Variants in SELENOO observed in about 807,000 individuals in gnomAD.
SELENOO encodes the protein protein adenylyltransferase SelO, mitochondrial.
Under a neutral mutation model 58.7 loss-of-function variants are expected in SELENOO, and 74 were observed. The observed-to-expected ratio is 1.26, with a 90% CI of 1.04 to 1.53. The LOEUF is 1.53. Ranked by LOEUF, SELENOO falls within the 40% of genes most tolerant of loss-of-function variation. SELENOO has a pLI of 0.00. For synonymous variants in SELENOO, 543 were observed against 453.2 expected, an observed-to-expected ratio of 1.20 and a Z score of -2.52; for missense variants, 1,149 against 970.0, an observed-to-expected ratio of 1.18 and a Z score of -2.45.
intron 3 of SELENOO, 25 bp from the exon 4 acceptor site, chr22:50,210,156 G>A (rs770427269): frequency 8.1e-6 from 13 of 1,608,662 alleles, no homozygotes; most frequent in Non-Finnish European, 9.3e-6. Flanking sequence ...CCCGAGGAGG[G>A]AGCAAGCACA....
chr22:50,209,906 A>G (rs1269835685), intron 3 of SELENOO, among the ~76,000 whole-genome samples: 1 of 152,176 alleles, frequency 6.6e-6, no homozygotes, highest in Non-Finnish European at 1.5e-5. Context: ...TGGGGTCTCT[A>G]CTGGGCCTGA....
Position 50,217,012 on chromosome 22 carries a change from G to T in SELENOO, c.1729G>T (p.Ala577Ser), listed in dbSNP as rs757738363. 6.2e-7 allele frequency: 1 copy of T among 1,611,502 alleles called. No individual in the cohort carries two copies. The highest frequency in any genetic ancestry group is 8.5e-7 in the Non-Finnish European group (1 of 1,179,708). ...GGACCTGGAAGGCGCTGGGGACGCT[G>T]CCGCCTGGCAGGCTGAGCACGTGCG... ...DKDLEGAGDA[A>S]AWQAEHVRVM... Residue 577 changes from alanine to serine, a missense_variant, in exon 8 of 9, where the codon GCC (alanine) becomes TCC (serine). By Grantham distance (99) the Ala-to-Ser change is moderately conservative (BLOSUM62 1). Coordinates refer to ENST00000380903, the MANE Select transcript of SELENOO (RefSeq NM_031454.2).
Position 50,216,767 on chromosome 22 carries a change from G to C in SELENOO, c.1579G>C (p.Ala527Pro). Residue 527 changes from alanine (A) to proline (P), a missense_variant, in exon 7 of 9, where the codon GCC (alanine) becomes CCC (proline). Physicochemically the swap from Ala to Pro is conservative, Grantham distance 27. Transcript: ENST00000380903. ...GCTTATGGGCACCCGGGCAGGCATC[G>C]CCAGGGAGCTGGAGCGTGTGGAGCA... ...FALMGTRAGI[A>P]RELERVEQQS... 6.2e-7 allele frequency: 1 copy of C among 1,608,418 alleles called. No homozygotes were observed. The highest frequency in any genetic ancestry group is 8.5e-7 in the Non-Finnish European group (1 of 1,179,656).
chr22:50,216,851 T>C lies in SELENOO; in HGVS notation c.1663T>C (p.Trp555Arg), dbSNP rs777777971. The C allele has an allele frequency of 3.1e-6, 5 of 1,608,118 alleles. No homozygotes were observed. Among genetic ancestry groups the C allele is most frequent in the East Asian group, 2.2e-5 (1 of 44,890 alleles). The change falls in exon 7 of 9, where the codon TGG becomes CGG. Residue 555 changes from tryptophan to arginine, a missense_variant. Physicochemically the swap from Trp to Arg is moderately radical, Grantham distance 101. Coordinates refer to ENST00000380903, the MANE Select transcript of SELENOO (RefSeq NM_031454.2). ...GCTGCAGAGCAGGAACCAGGGCCACTGGGCTGACTGGCTACAGGCGTACAG... is the reference window on the plus strand; with the variant it reads ...GCTGCAGAGCAGGAACCAGGGCCACCGGGCTGACTGGCTACAGGCGTACAG... ...AELQSRNQGH[W>R]ADWLQAYRAR...
At chr22:50,211,969 C>CT (rs1390987398) in intron 5 of SELENOO, among the ~76,000 whole-genome samples, 16 of 152,230 alleles carry the variant, frequency 1.1e-4, no homozygotes, top group Non-Finnish European at 2.2e-4. Flanking sequence ...GCCCAAAGTA[C>CT]TGGGATTATA....
rs185883369 is a variant in SELENOO at position 50,217,419 on chromosome 22, C to T, written c.*50C>T. 72 of 1,593,000 alleles carry T rather than the reference C, an allele frequency of 4.5e-5. No individual in the cohort carries two copies. In the East Asian group the frequency reaches 1.4e-3, roughly 32 times the overall value. Reference sequence around the variant, plus strand: ...TGGAGTCTCCCGAGGCCCCCATGTGCTGCTGAGTGGCCAAGATGATGCCAG... The same window carrying T: ...TGGAGTCTCCCGAGGCCCCCATGTGTTGCTGAGTGGCCAAGATGATGCCAG... On this transcript the variant is annotated 3_prime_UTR_variant, in exon 9 of 9. Coordinates refer to ENST00000380903, the MANE Select transcript of SELENOO (RefSeq NM_031454.2).
Position 50,201,332 on chromosome 22 carries a change from CAGAGCCCGCGCTGGCGTTGCT to C in SELENOO, c.297_317del (p.Glu100_Leu106del), listed in dbSNP as rs1323351189. The C allele has an allele frequency of 8.6e-7, 1 of 1,160,298 alleles. No individual in the cohort carries two copies. The highest frequency in any genetic ancestry group is 4.1e-5 in the East Asian group (1 of 24,548). The allele number at this position is 1,160,298 out of a possible 1,614,324, so 71.9% of individuals were successfully genotyped here. ...CGGCAGCCGCGCCTCGTGGCGCTGT[CAGAGCCCGCGCTGGCGTTGCT>C]GGGCCTGGGCGCGCCGCCCGCGCGC... On this transcript the variant is annotated inframe_deletion, in exon 1 of 9. Transcript: ENST00000380903.
chr22:50,206,553 G>T (rs780133002), intron 2 of SELENOO, 33 bp downstream of exon 2: 19 of 1,569,252 alleles, frequency 1.2e-5, no homozygotes, highest in Non-Finnish European at 1.7e-5. Flanking sequence ...CTGTCTACAC[G>T]CACTTGCTTA....
chr22:50,212,070 C>G (rs368335808), intron 5 of SELENOO, among the ~76,000 whole-genome samples: 5 of 152,112 alleles, frequency 3.3e-5, no homozygotes, highest in Non-Finnish European at 7.3e-5. Context: ...CATCTGTATG[C>G]GTAAGGGATA....
intron 1 of SELENOO, 92 bp downstream of exon 1, chr22:50,201,682 C>A: frequency 1.0e-6 from 1 of 981,024 alleles, no homozygotes; most frequent in South Asian, 4.4e-5. Context: ...CGTCCGGCGG[C>A]TACTGCCAAG....
Position 50,216,821 on chromosome 22 carries a change from G to A in SELENOO, c.1633G>A (p.Ala545Thr). The A allele has an allele frequency of 6.2e-7, 1 of 1,608,382 alleles. No homozygotes were observed. The highest frequency in any genetic ancestry group is 8.5e-7 in the Non-Finnish European group (1 of 1,179,804). The change falls in exon 7 of 9, where the codon GCA becomes ACA. Residue 545 changes from alanine (A) to threonine (T), a missense_variant. By Grantham distance (58) the Ala-to-Thr change is moderately conservative. Transcript: ENST00000380903. ...GTCTCGGCTGGAGCAGCTGAGTGCG[G>A]CAGAGCTGCAGAGCAGGAACCAGGG... is the stretch of plus-strand genomic sequence containing the variant. ...QQSRLEQLSAAELQSRNQGHW... is the reference protein window; with the variant it reads ...QQSRLEQLSATELQSRNQGHW...
chr22:50,215,802 G>T lies in SELENOO; in HGVS notation c.1437G>T (p.Arg479Ser). The change falls in exon 6 of 9, where the codon AGG becomes AGT. Residue 479 changes from arginine to serine, a missense_variant. Transcript: ENST00000380903. The stretch of plus-strand genomic sequence containing the variant: ...CAGGCCTGGCGGAATTCCTGGCCAG[G>T]CTGATGGAGCAGTGTGCCTCCCTGG... ...ESPGLAEFLA[R>S]LMEQCASLEE... 1.2e-6 allele frequency: 2 copies of T among 1,612,938 alleles called. No individual in the cohort carries two copies. Among genetic ancestry groups the T allele is most frequent in the Non-Finnish European group, 1.7e-6 (2 of 1,179,508 alleles).
chr22:50,205,932 C>T (rs951913491), intron 1 of SELENOO: 8 of 247,238 alleles, frequency 3.2e-5, no homozygotes, highest in East Asian at 1.2e-4. Context: ...TCAGCTGGCC[C>T]GTACCGGGGC....
intron 4 of SELENOO, 95 bp from the exon 5 acceptor site, chr22:50,210,536 G>A: frequency 6.4e-7 from 1 of 1,568,896 alleles, no homozygotes; most frequent in Non-Finnish European, 8.7e-7. Context: ...ACGGCCACTT[G>A]GGACCTTCCC....
At chr22:50,207,552 G>C (rs964117626) in intron 2 of SELENOO, among the ~76,000 whole-genome samples, 19 of 150,382 alleles carry the variant, frequency 1.3e-4, no homozygotes, top group African/African-American at 4.6e-4. Flanking sequence ...CACCCCTGAG[G>C]CTGCCTGTGG....
chr22:50,205,954 T>C, intron 1 of SELENOO: 1 of 280,112 alleles, frequency 3.6e-6, no homozygotes, highest in South Asian at 4.2e-5. Flanking sequence ...CCCATCCTGG[T>C]GCAAAGGCTG....
intron 5 of SELENOO, among the ~76,000 whole-genome samples, chr22:50,214,080 A>G (rs552867279): frequency 7.9e-5 from 12 of 152,270 alleles, no homozygotes; most frequent in Admixed American, 6.5e-4. Flanking sequence ...GTGCATGTTT[A>G]TAATTTTTAC....
In SELENOO at chr22:50,201,541, G is replaced by C. The variant is rs1240498975; in HGVS notation, c.505G>C (p.Glu169Gln). The C allele has an allele frequency of 5.0e-6, 7 of 1,389,124 alleles. No homozygotes were observed. In the South Asian group the frequency reaches 9.0e-5, roughly 18 times the overall value. 86.0% of individuals were successfully genotyped at this position (1,389,124 alleles called of 1,614,324 possible). A position where few individuals can be genotyped will look rare whatever the true frequency, so the allele number is the denominator to read the frequency against. Residue 169 changes from glutamate to glutamine, a missense_variant, in exon 1 of 9, where the codon GAG becomes CAG. By Grantham distance (29) the Glu-to-Gln change is conservative. Coordinates refer to ENST00000380903, the MANE Select transcript of SELENOO (RefSeq NM_031454.2). Reference protein sequence around the residue: ...YLGEVCTATGERWELQLKGAG... With the variant: ...YLGEVCTATGQRWELQLKGAG... ...GGGCGAGGTGTGCACGGCGACCGGC[G>C]AGCGCTGGGAGCTGCAGCTCAAGGG...
chr22:50,211,668 A>G (rs533668585), intron 5 of SELENOO, among the ~76,000 whole-genome samples: 10 of 152,296 alleles, frequency 6.6e-5, no homozygotes, highest in African/African-American at 2.4e-4. Context: ...CTGGGGATAA[A>G]TTTTACTTGG....
Sources: allele counts gnomAD v4.1 joint callset (sites outside exome capture counted in the v4.1 genomes callset), GRCh38; gene constraint gnomAD v4.1.1; transcripts MANE v1.5; gene names NCBI Gene and HGNC (gene_info 2026-07-23, HGNC 2026-07-21).